The following ZNF804B variants were observed in gnomAD, a reference collection of about 807,000 sequenced individuals.
The protein encoded by ZNF804B is zinc finger 804B.
A neutral mutation model predicts 101.4 loss-of-function variants in ZNF804B; 80 were observed. The ratio of observed to expected loss-of-function variants is 0.79; its 90% CI spans 0.66 to 0.95. ZNF804B has a LOEUF of 0.95. Among genes scored for constraint, ZNF804B ranks in the 40% least tolerant of loss-of-function variants. The probability of loss-of-function intolerance (pLI) is 0.00; values close to 1 mark genes in which losing one functional copy is unlikely to be tolerated. For missense variants in ZNF804B, 1,673 were observed against 1,561.9 expected, an observed-to-expected ratio of 1.07 and a Z score of -1.20; for synonymous variants, 622 against 558.8, an observed-to-expected ratio of 1.11 and a Z score of -1.59.
chr7:89,326,022 C>T (rs1175266811), intron 2 of ZNF804B, among the ~76,000 whole-genome samples: 1 of 151,956 alleles, frequency 6.6e-6, no homozygotes, highest in Non-Finnish European at 1.5e-5. Context: ...TGTCTTCTGA[C>T]CAAGGCTATC....
At chr7:89,063,842 C>T (rs987955895) in intron 1 of ZNF804B, among the ~76,000 whole-genome samples, 5 of 152,106 alleles carry the variant, frequency 3.3e-5, no homozygotes, top group African/African-American at 1.2e-4. Flanking sequence ...ATGAATGCGT[C>T]AATAGCTAGG....
chr7:89,336,434 C>G lies in ZNF804B; in HGVS notation c.3452C>G (p.Ser1151Cys), dbSNP rs1452967212. Reference protein sequence around the residue: ...PPLIQQPITFSPDEIDKYKIL... With the variant: ...PPLIQQPITFCPDEIDKYKIL... ...TTAATTCAACAGCCCATAACATTTT[C>G]TCCTGACGAAATAGATAAATATAAG... is the stretch of plus-strand genomic sequence containing the variant. The change falls in exon 4 of 4, where the codon TCT becomes TGT. Residue 1151 changes from serine (S) to cysteine (C), a missense_variant. Transcript: ENST00000333190. 5 of 1,613,968 alleles carry G rather than the reference C, an allele frequency of 3.1e-6. No individual in the cohort carries two copies. Among genetic ancestry groups the G allele is most frequent in the Non-Finnish European group, 4.2e-6 (5 of 1,180,006 alleles).
chr7:88,846,928 A>ATG (rs1311216203), intron 1 of ZNF804B, among the ~76,000 whole-genome samples: 1 of 120,934 alleles, frequency 8.3e-6, no homozygotes, highest in African/African-American at 4.5e-5. Context: ...ATATATATAA[A>ATG]TGTGTATACA....
chr7:88,868,901 A>C (rs1165504330), intron 1 of ZNF804B, among the ~76,000 whole-genome samples: 4 of 152,240 alleles, frequency 2.6e-5, no homozygotes, highest in African/African-American at 9.6e-5. Flanking sequence ...TAATGATTCA[A>C]GTCTAGGTAT....
chr7:88,832,252 A>G (rs1446156912), intron 1 of ZNF804B, among the ~76,000 whole-genome samples: 1 of 151,952 alleles, frequency 6.6e-6, no homozygotes, highest in Non-Finnish European at 1.5e-5. Context: ...GCCTGTGCTT[A>G]AAGTTATTTC....
intron 1 of ZNF804B, among the ~76,000 whole-genome samples, chr7:88,962,714 T>C (rs1210573571): frequency 1.5e-5 from 1 of 67,124 alleles, no homozygotes; most frequent in Non-Finnish European, 2.7e-5. Flanking sequence ...CTCACATATA[T>C]ATATATATAT....
At chr7:89,001,690 T>C (rs982102924) in intron 1 of ZNF804B, among the ~76,000 whole-genome samples, 3 of 151,952 alleles carry the variant, frequency 2.0e-5, no homozygotes, top group African/African-American at 7.2e-5. Context: ...TATAAAACTG[T>C]ATGATGATTA....
At chr7:88,880,972 A>T (rs141579169) in intron 1 of ZNF804B, among the ~76,000 whole-genome samples, 4 of 152,094 alleles carry the variant, frequency 2.6e-5, no homozygotes, top group Non-Finnish European at 4.4e-5. Context: ...TTTAAGATTT[A>T]TATTATTATC....
At chr7:89,122,577 G>A (rs918763379) in intron 1 of ZNF804B, among the ~76,000 whole-genome samples, 7 of 151,984 alleles carry the variant, frequency 4.6e-5, no homozygotes, top group African/African-American at 1.5e-4. Flanking sequence ...CTTGTCCTGC[G>A]GTTGCTGTTG....
At chr7:88,836,369 G>A (rs191400315) in intron 1 of ZNF804B, among the ~76,000 whole-genome samples, 1 of 151,940 alleles carries the variant, frequency 6.6e-6, no homozygotes, top group African/African-American at 2.4e-5. Flanking sequence ...GAGATCACAT[G>A]TTTTCTGGAA....
chr7:89,330,214 A>G (rs1472323878), intron 3 of ZNF804B, among the ~76,000 whole-genome samples: 1 of 151,700 alleles, frequency 6.6e-6, no homozygotes, highest in Non-Finnish European at 1.5e-5. Context: ...TGTGGTTTCA[A>G]GGGGCGGGCT....
At chr7:88,960,504 AAAG>A (rs1793373215) in intron 1 of ZNF804B, among the ~76,000 whole-genome samples, 1 of 151,188 alleles carries the variant, frequency 6.6e-6, no homozygotes, top group African/African-American at 2.4e-5. Context: ...GAGAAGGTAC[AAAG>A]GAGAAACGTA....
intron 2 of ZNF804B, among the ~76,000 whole-genome samples, chr7:89,309,210 A>G (rs1423855350): frequency 1.3e-5 from 2 of 151,972 alleles, no homozygotes; most frequent in Non-Finnish European, 2.9e-5. Flanking sequence ...CCCAATGTTT[A>G]GCTCCTGCTT....
intron 1 of ZNF804B, among the ~76,000 whole-genome samples, chr7:88,776,259 T>C (rs1790137842): frequency 6.6e-6 from 1 of 152,230 alleles, no homozygotes; most frequent in Admixed American, 6.5e-5. Flanking sequence ...CATGACTCCT[T>C]AAAATGTTCT....
At chr7:88,928,255 G>A (rs1357933747) in intron 1 of ZNF804B, among the ~76,000 whole-genome samples, 1 of 152,044 alleles carries the variant, frequency 6.6e-6, no homozygotes, top group African/African-American at 2.4e-5. Context: ...TCCACTCTGA[G>A]CCATGTATAG....
chr7:89,049,854 A>AT (rs1250027919), intron 1 of ZNF804B, among the ~76,000 whole-genome samples: 1 of 152,004 alleles, frequency 6.6e-6, no homozygotes, highest in Non-Finnish European at 1.5e-5. Context: ...TCTACTAAAA[A>AT]TACAAAAATT....
chr7:89,238,313 A>T (rs1301515849), intron 2 of ZNF804B, among the ~76,000 whole-genome samples: 1 of 152,162 alleles, frequency 6.6e-6, no homozygotes, highest in East Asian at 1.9e-4. Flanking sequence ...TTATGAAACT[A>T]CATCTGATGA....
intron 1 of ZNF804B, among the ~76,000 whole-genome samples, chr7:88,892,558 A>T (rs966704168): frequency 1.8e-4 from 28 of 152,298 alleles, no homozygotes; most frequent in African/African-American, 6.3e-4. Context: ...TAGTTTCACT[A>T]CCATTTGCCT....
chr7:88,822,674 C>T (rs185188919), intron 1 of ZNF804B, among the ~76,000 whole-genome samples: 1 of 152,164 alleles, frequency 6.6e-6, no homozygotes, highest in South Asian at 2.1e-4. Context: ...TAGGACTTGA[C>T]AGCAGCACCA....
Sources: gnomAD v4.1 joint callset for allele counts (sites outside exome capture counted in the v4.1 genomes callset) on GRCh38, gnomAD v4.1.1 for gene constraint, MANE v1.5 for transcripts, NCBI Gene and HGNC (gene_info 2026-07-23, HGNC 2026-07-21) for gene names.